The following KMT2C variants were observed in gnomAD, a reference collection of about 807,000 sequenced individuals.
KMT2C encodes histone-lysine N-methyltransferase 2C.
In KMT2C, 88 loss-of-function variants were observed where a neutral mutation model predicts 507.9. The ratio of observed to expected loss-of-function variants is 0.17; its 90% CI spans 0.15 to 0.21. KMT2C has a LOEUF of 0.21. Ranked by LOEUF, KMT2C falls within the 10% of genes least tolerant of loss-of-function variation. KMT2C has a pLI of 1.00. For missense variants in KMT2C, 4,954 were observed against 5,957.8 expected (o/e 0.83, Z 5.55); for synonymous variants, 2,049 against 2,080.8 (o/e 0.98, Z 0.42).
chr7:152,217,241 C>A (rs959417379), intron 23 of KMT2C, among the ~76,000 whole-genome samples: 20 of 152,154 alleles, frequency 1.3e-4, no homozygotes, highest in Non-Finnish European at 2.5e-4. Context: ...TGATTGTATT[C>A]TTTCCCTATT....
intron 5 of KMT2C, 126 bp downstream of exon 5, chr7:152,311,670 ATT>A: frequency 1.4e-6 from 1 of 704,262 alleles, no homozygotes; most frequent in Non-Finnish European, 2.1e-6. Flanking sequence ...TTTAATAATG[ATT>A]TTTTTATAGT....
At chr7:152,185,517 G>A (rs770595323) in intron 34 of KMT2C, 41 bp downstream of exon 34, 32 of 1,442,380 alleles carry the variant, frequency 2.2e-5, no homozygotes, top group Non-Finnish European at 1.8e-5. Flanking sequence ...TTCAAGCACT[G>A]TATTTAAATA....
intron 6 of KMT2C, among the ~76,000 whole-genome samples, chr7:152,293,861 C>T (rs2096459788): frequency 6.6e-6 from 1 of 152,046 alleles, no homozygotes; most frequent in Admixed American, 6.6e-5. Context: ...TTCATTCCCT[C>T]ATTCATTCAT....
rs1424758257 is a variant in KMT2C, at chr7:152,329,699, G to A, written c.389+902C>T. On this transcript the variant is annotated intron_variant, in intron 3 of 58. Coordinates refer to ENST00000262189, the MANE Select transcript of KMT2C (RefSeq NM_170606.3). The stretch of plus-strand genomic sequence containing the variant: ...GGGAGAAAGGGAGGGAAGGAGGGCG[G>A]GAAGGAAGGAGGGAAAGAAGGGAGG... 3.3e-5 allele frequency among the ~76,000 whole-genome samples: 5 copies of A among 150,840 alleles called. No individual in the cohort carries two copies. The East Asian group carries it at 7.8e-4, about 24-fold the overall frequency.
At chr7:152,154,564 G>C (rs938300575) in intron 46 of KMT2C, 119 bp from the exon 47 acceptor site, 53 of 748,382 alleles carry the variant, frequency 7.1e-5, no homozygotes, top group Non-Finnish European at 1.0e-4. Flanking sequence ...GCACCTATAC[G>C]ATGAGCAGCA....
At chr7:152,434,230 A>G (rs1481933584) in intron 1 of KMT2C, among the ~76,000 whole-genome samples, 2 of 152,242 alleles carry the variant, frequency 1.3e-5, no homozygotes, top group Admixed American at 1.3e-4. Flanking sequence ...ACTTTGTATC[A>G]CGAACAAGCT....
Position 152,199,406 on chromosome 7 carries a change from A to G in KMT2C, c.4146T>C (p.Ser1382=), listed in dbSNP as rs1002342180. The stretch of plus-strand genomic sequence containing the variant: ...CTCCATCTTCTGACAGATTATCTAA[A>G]CTTATCTTGCTTTGTCTACTTGTAT... The part of the protein sequence containing the change: ...LLDTSRQSKI[S]LDNLSEDGAQ... The change falls in exon 27 of 59, where the codon AGT becomes AGC. Residue 1382 remains serine (S), a synonymous_variant. Coordinates refer to ENST00000262189, the MANE Select transcript of KMT2C (RefSeq NM_170606.3). The G allele has an allele frequency of 1.9e-6, 3 of 1,595,614 alleles. No individual in the cohort carries two copies. Among genetic ancestry groups the G allele is most frequent in the Middle Eastern group, 1.7e-4 (1 of 6,044 alleles).
chr7:152,158,988 G>C lies in KMT2C; in HGVS notation c.11545C>G (p.Gln3849Glu), dbSNP rs1418293347. ...GTCCTCTGAGTCCGTTTGCTTCGCT[G>C]TTTCTTGGTTTCACTTCCTCCATCT... ...KTDGGSETKK[Q>E]RSKRTQRTGE... Residue 3849 changes from glutamine (Q) to glutamate (E), a missense_variant, in exon 44 of 59, where the codon CAG becomes GAG. By Grantham distance (29) the Gln-to-Glu change is conservative. This residue lies in a region of KMT2C where 801 missense variants were observed against 751.2 expected (regional missense o/e 1.07). Transcript: ENST00000262189. The C allele has an allele frequency of 6.2e-7, 1 of 1,614,046 alleles. No homozygotes were observed. Among genetic ancestry groups the C allele is most frequent in the African/African-American group, 1.3e-5 (1 of 74,910 alleles).
chr7:152,209,298 A>G (rs2094395144), intron 23 of KMT2C, among the ~76,000 whole-genome samples: 1 of 151,782 alleles, frequency 6.6e-6, no homozygotes, highest in Non-Finnish European at 1.5e-5. Flanking sequence ...CTACTAAAAA[A>G]TACAAAAAAT....
At chr7:152,250,360 G>T (rs150894330) in intron 12 of KMT2C, among the ~76,000 whole-genome samples, 1 of 152,200 alleles carries the variant, frequency 6.6e-6, no homozygotes, top group Non-Finnish European at 1.5e-5. Context: ...GTGATTAAAT[G>T]TAACAAGTAG....
At chr7:152,178,085 A>G (rs2093292012) in intron 37 of KMT2C, 75 bp from the exon 38 acceptor site, 1 of 1,325,362 alleles carries the variant, frequency 7.5e-7, no homozygotes, top group East Asian at 2.8e-5. Flanking sequence ...GTTGAAAAAA[A>G]GAAAAGTCTT....
chr7:152,399,569 C>A (rs1352273085), intron 1 of KMT2C, among the ~76,000 whole-genome samples: 2 of 151,814 alleles, frequency 1.3e-5, no homozygotes, highest in East Asian at 3.9e-4. Flanking sequence ...TGCCTGCCAA[C>A]CATTAATTCC....
At chr7:152,358,731 C>T in intron 1 of KMT2C, 56 bp from the exon 2 acceptor site, 1 of 1,149,634 alleles carries the variant, frequency 8.7e-7, no homozygotes, top group Non-Finnish European at 1.3e-6. Flanking sequence ...AATTTTAAGG[C>T]TTAGACTTAT....
chr7:152,364,540 T>C (rs1589468557), intron 1 of KMT2C, among the ~76,000 whole-genome samples: 3 of 146,360 alleles, frequency 2.0e-5, no homozygotes, highest in African/African-American at 7.9e-5. Context: ...ACCCAGGAGG[T>C]GGAGACTGCA....
At position 152,158,919 on chromosome 7, in the gene KMT2C, C is replaced by T. The variant is rs201674711; in HGVS notation, c.11614G>A (p.Glu3872Lys). The T allele has an allele frequency of 3.7e-4, 590 of 1,614,202 alleles. 6 individuals carry two copies. In the South Asian group the frequency reaches 6.2e-3, roughly 17 times the overall value. The change falls in exon 44 of 59, where the codon GAA (glutamate) becomes AAA (lysine). Residue 3872 changes from glutamate (E) to lysine (K), a missense_variant. Physicochemically the swap from Glu to Lys is moderately conservative, Grantham distance 56. This residue lies in a region of KMT2C where 801 missense variants were observed against 751.2 expected (regional missense o/e 1.07). Coordinates refer to ENST00000262189, the MANE Select transcript of KMT2C (RefSeq NM_170606.3). ...APRSKKRKKDEEEKQAMYSST... is the reference protein window; with the variant it reads ...APRSKKRKKDKEEKQAMYSST... ...GAGTACATAGCTTGTTTCTCCTCTT[C>T]GTCCTTTTTCCTTTTCTTTGAGCGA...
chr7:152,305,281 A>G (rs1412685191), intron 6 of KMT2C, among the ~76,000 whole-genome samples: 4 of 152,214 alleles, frequency 2.6e-5, no homozygotes, highest in African/African-American at 9.6e-5. Flanking sequence ...AAAAGCAGAT[A>G]TTATGGGAAG....
chr7:152,375,978 G>A (rs1342228639), intron 1 of KMT2C, among the ~76,000 whole-genome samples: 4 of 151,968 alleles, frequency 2.6e-5, no homozygotes, highest in Admixed American at 6.6e-5. Context: ...CACCACACCT[G>A]GCTGATTTAT....
chr7:152,357,393 G>C (rs1373459230), intron 2 of KMT2C, among the ~76,000 whole-genome samples: 1 of 152,128 alleles, frequency 6.6e-6, no homozygotes, highest in South Asian at 2.1e-4. Flanking sequence ...GTGTGGTGGC[G>C]GGCGCCTGTA....
At position 152,262,960 on chromosome 7, in the gene KMT2C, G is replaced by T. The variant is rs1427638366; in HGVS notation, c.1299+56C>A. On this transcript the variant is annotated intron_variant, in intron 9 of 58. Transcript: ENST00000262189. The stretch of plus-strand genomic sequence containing the variant: ...ATTTGAATAGGTATCCGATTTGTCT[G>T]GTCTCCATATAAAACATAGAGAGGA... 92 of 1,294,674 alleles carry T rather than the reference G, an allele frequency of 7.1e-5. No individual in the cohort carries two copies. Among genetic ancestry groups the T allele is most frequent in the Non-Finnish European group, 9.2e-5 (84 of 917,414 alleles). The allele number at this position is 1,294,674 out of a possible 1,614,324, so 80.2% of individuals were successfully genotyped here.
Sources: gnomAD v4.1 joint callset for allele counts (sites outside exome capture counted in the v4.1 genomes callset) on GRCh38, gnomAD v4.1.1 for gene constraint, gnomAD v4.1.1 regional missense constraint, MANE v1.5 for transcripts, NCBI Gene and HGNC (gene_info 2026-07-23, HGNC 2026-07-21) for gene names.